SYCP1: variants seen among roughly 807,000 people sequenced by gnomAD.
SYCP1 encodes the protein synaptonemal complex protein 1.
SYCP1 carries 64 observed loss-of-function variants against 153.1 expected under a neutral mutation model. The observed-to-expected ratio is 0.42, with a 90% CI of 0.34 to 0.51. SYCP1 has a LOEUF of 0.51. SYCP1 is among the 20% of genes least tolerant of loss of function. SYCP1 has a pLI of 0.06. For synonymous variants in SYCP1, 384 were observed against 341.8 expected (o/e 1.12, Z -1.36); for missense variants, 997 against 1,049.0 (o/e 0.95, Z 0.68).
rs375436670 is a variant in SYCP1 at position 114,881,056 on chromosome 1, T to TATACACAC, written c.910+2855_910+2856insTACACACA. 4.3e-3 allele frequency among the ~76,000 whole-genome samples: 621 copies of TATACACAC among 145,032 alleles called. 5 individuals carry two copies. The highest frequency in any genetic ancestry group is 0.011 in the African/African-American group (407 of 38,260). The stretch of plus-strand genomic sequence containing the variant: ...TGAACAGTATTCCAATTTGTGTATA[T>TATACACAC]ACACACACACACACACACACACACA... On this transcript the variant is annotated intron_variant, in intron 12 of 31. Coordinates refer to ENST00000369522, the MANE Select transcript of SYCP1 (RefSeq NM_003176.4).
intron 29 of SYCP1, among the ~76,000 whole-genome samples, chr1:114,982,460 C>G (rs542198996): frequency 3.3e-5 from 5 of 151,804 alleles, no homozygotes; most frequent in Non-Finnish European, 7.4e-5. Context: ...TATTCAGGCT[C>G]ATGGATTCTT....
intron 23 of SYCP1, among the ~76,000 whole-genome samples, chr1:114,927,063 T>A (rs576194209): frequency 6.6e-6 from 1 of 152,236 alleles, no homozygotes; most frequent in African/African-American, 2.4e-5. Flanking sequence ...CAGTAAGTAT[T>A]CAATAAATAG....
intron 27 of SYCP1, among the ~76,000 whole-genome samples, chr1:114,976,634 C>T (rs1370118313): frequency 5.3e-5 from 8 of 151,706 alleles, no homozygotes; most frequent in Admixed American, 4.6e-4. Context: ...TGTGCTTTGT[C>T]CTAAAAGACA....
intron 8 of SYCP1, 74 bp downstream of exon 8, chr1:114,860,883 TC>T (rs1411001234): frequency 8.4e-7 from 1 of 1,193,914 alleles, no homozygotes. Flanking sequence ...AAAGAAATTG[TC>T]CTTTTAATTT....
rs2101826442 is a variant in SYCP1, at chr1:114,946,272, T to G, written c.2155-17T>G. 7.0e-7 allele frequency: 1 copy of G among 1,437,998 alleles called. No homozygotes were observed. The highest frequency in any genetic ancestry group is 2.3e-5 in the Admixed American group (1 of 43,936). 89.1% of individuals were successfully genotyped at this position (1,437,998 alleles called of 1,614,324 possible). A position where few individuals can be genotyped will look rare whatever the true frequency, so the allele number is the denominator to read the frequency against. On this transcript the variant is annotated splice_polypyrimidine_tract_variant and intron_variant, in intron 25 of 31. Transcript: ENST00000369522. ...TCAGTTTTAATATATCTAAAATGTC[T>G]TCTTTGTTTAATATAGCACCAATAT...
At chr1:114,950,187 G>A (rs764461786) in intron 27 of SYCP1, among the ~76,000 whole-genome samples, 1 of 152,168 alleles carries the variant, frequency 6.6e-6, no homozygotes, top group Non-Finnish European at 1.5e-5. Context: ...ACACCACATC[G>A]TCTTCCCAGC....
intron 8 of SYCP1, among the ~76,000 whole-genome samples, chr1:114,870,836 A>G (rs1665063001): frequency 1.3e-5 from 2 of 152,192 alleles, no homozygotes. Flanking sequence ...TTAGTTGGTC[A>G]TTTAGACTAT....
At chr1:114,964,224 G>A (rs1671960637) in intron 27 of SYCP1, among the ~76,000 whole-genome samples, 1 of 151,932 alleles carries the variant, frequency 6.6e-6, no homozygotes, top group African/African-American at 2.4e-5. Context: ...GGGGTTGTTT[G>A]TTATTTTCTT....
At chr1:114,875,911 A>AT (rs1665497728) in intron 9 of SYCP1, among the ~76,000 whole-genome samples, 158 bp from the exon 10 acceptor site, 1 of 152,192 alleles carries the variant, frequency 6.6e-6, no homozygotes, top group Non-Finnish European at 1.5e-5. Context: ...CTCTTAATAC[A>AT]TTTTTAGTAA....
chr1:114,856,930 A>AC (rs1663990860), intron 3 of SYCP1, among the ~76,000 whole-genome samples: 1 of 146,366 alleles, frequency 6.8e-6, no homozygotes, highest in African/African-American at 2.5e-5. Context: ...ACAAAAAAAA[A>AC]AAAAAAAAAA....
intron 21 of SYCP1, among the ~76,000 whole-genome samples, chr1:114,925,594 A>G (rs947258400): frequency 1.1e-4 from 17 of 152,036 alleles, no homozygotes; most frequent in Non-Finnish European, 2.2e-4. Flanking sequence ...TTTTTATTTT[A>G]TATATATTTT....
chr1:114,984,819 C>A lies in SYCP1; in HGVS notation c.2654C>A (p.Ala885Asp). ...GAAAGTAAAAAAAAGAGAAAAATGGCCTTTGAATTTGATATTAATTCAGAT... is the reference window on the plus strand; with the variant it reads ...GAAAGTAAAAAAAAGAGAAAAATGGACTTTGAATTTGATATTAATTCAGAT... ...IEESKKKRKM[A>D]FEFDINSDSS... Residue 885 changes from alanine (A) to aspartate (D), a missense_variant, in exon 30 of 32, where the codon GCC (alanine) becomes GAC (aspartate). By Grantham distance (126) the Ala-to-Asp change is moderately radical. Around this residue, in one of 2 missense-constraint regions of SYCP1, gnomAD observed 712 missense variants for 682.9 expected, o/e 1.04. Transcript: ENST00000369522. The A allele has an allele frequency of 6.7e-7, 1 of 1,495,770 alleles. No individual in the cohort carries two copies. The highest frequency in any genetic ancestry group is 1.4e-5 in the African/African-American group (1 of 69,394). The allele number at this position is 1,495,770 out of a possible 1,614,324, so 92.7% of individuals were successfully genotyped here.
intron 30 of SYCP1, among the ~76,000 whole-genome samples, chr1:114,988,091 AAAAAAG>A (rs1673651592): frequency 6.7e-6 from 1 of 148,438 alleles, no homozygotes; most frequent in Admixed American, 6.6e-5. Flanking sequence ...AAAAAAAAAA[AAAAAAG>A]AAAAAGAAAA....
At chr1:114,892,718 AGT>A (rs1666804121) in intron 15 of SYCP1, among the ~76,000 whole-genome samples, 1 of 152,126 alleles carries the variant, frequency 6.6e-6, no homozygotes, top group Non-Finnish European at 1.5e-5. Context: ...GATGTGCTGC[AGT>A]CCTGCTGTTG....
At chr1:114,878,502 C>T (rs1377492957) in intron 12 of SYCP1, among the ~76,000 whole-genome samples, 3 of 151,874 alleles carry the variant, frequency 2.0e-5, no homozygotes, top group Admixed American at 6.6e-5. Flanking sequence ...TTCCAAGTGC[C>T]GAGAACAATG....
At chr1:114,935,471 A>G (rs542480545) in intron 23 of SYCP1, among the ~76,000 whole-genome samples, 3 of 152,224 alleles carry the variant, frequency 2.0e-5, no homozygotes, top group Non-Finnish European at 4.4e-5. Context: ...TCTAAAATTG[A>G]CACCCTAACA....
chr1:114,946,674 G>A (rs770675507), intron 26 of SYCP1, among the ~76,000 whole-genome samples: 5 of 152,108 alleles, frequency 3.3e-5, no homozygotes, highest in African/African-American at 7.2e-5. Context: ...AGAACGAGGA[G>A]AGATATACTT....
intron 16 of SYCP1, among the ~76,000 whole-genome samples, chr1:114,908,283 T>C (rs964910882): frequency 6.6e-6 from 1 of 152,122 alleles, no homozygotes; most frequent in Non-Finnish European, 1.5e-5. Context: ...TGTTTTCTAA[T>C]GAGAGACTCA....
intron 8 of SYCP1, among the ~76,000 whole-genome samples, chr1:114,865,096 C>T (rs868822905): frequency 1.3e-5 from 2 of 152,114 alleles, no homozygotes; most frequent in African/African-American, 4.8e-5. Context: ...TTTGTAGTGT[C>T]ACTTTCCAGA....
Sources: gnomAD v4.1 joint callset for allele counts (sites outside exome capture counted in the v4.1 genomes callset) on GRCh38, gnomAD v4.1.1 for gene constraint, gnomAD v4.1.1 regional missense constraint, MANE v1.5 for transcripts, NCBI Gene and HGNC (gene_info 2026-07-23, HGNC 2026-07-21) for gene names.